The following C3orf33 variants were observed in gnomAD, a reference collection of about 807,000 sequenced individuals.
C3orf33 encodes the protein AP-1 activity suppressor.
C3orf33 carries 23 observed loss-of-function variants against 28.7 expected under a neutral mutation model. The ratio of observed to expected loss-of-function variants is 0.80; its 90% CI spans 0.58 to 1.13. The LOEUF (loss-of-function observed/expected upper bound fraction) is 1.13. Ranked by LOEUF, C3orf33 falls within the 50% of genes most tolerant of loss-of-function variation. C3orf33 has a pLI of 0.00. For synonymous variants in C3orf33, 119 were observed against 120.5 expected (o/e 0.99, Z 0.08); for missense variants, 327 against 353.4 (o/e 0.93, Z 0.60).
At chr3:155,784,904 G>A (rs891956585) in intron 2 of C3orf33, among the ~76,000 whole-genome samples, 1 of 151,692 alleles carries the variant, frequency 6.6e-6, no homozygotes, top group Non-Finnish European at 1.5e-5. Flanking sequence ...ATGGTAATGA[G>A]TTAAAGTCTC....
At chr3:155,779,918 A>G (rs1455830471) in intron 2 of C3orf33, among the ~76,000 whole-genome samples, 6 of 152,204 alleles carry the variant, frequency 3.9e-5, no homozygotes, top group African/African-American at 9.6e-5. Flanking sequence ...AGGAGCTCAC[A>G]GTGTATGTGA....
intron 3 of C3orf33, among the ~76,000 whole-genome samples, chr3:155,771,049 GTGTGTGTTGA>G (rs1413086098): frequency 6.7e-6 from 1 of 148,798 alleles, no homozygotes; most frequent in Non-Finnish European, 1.5e-5. Flanking sequence ...GTGTGTGTGT[GTGTGTGTTGA>G]GACATAGTTT....
intron 1 of C3orf33, chr3:155,805,847 G>A: frequency 5.9e-6 from 3 of 511,028 alleles, no homozygotes; most frequent in Non-Finnish European, 1.1e-5. Flanking sequence ...GGACCAGGTG[G>A]CATCCCCGAG....
chr3:155,763,428 A>G lies in C3orf33; in HGVS notation c.*89T>C. On this transcript the variant is annotated 3_prime_UTR_variant, in exon 5 of 5. Coordinates refer to ENST00000340171, the MANE Select transcript of C3orf33 (RefSeq NM_001308229.2). ...TGGACTAACACTTTGATCATTTGGC[A>G]AAACTTCCATTTTGATTCAATGAAA... The G allele has an allele frequency of 9.8e-7, 1 of 1,023,048 alleles. No individual in the cohort carries two copies. The highest frequency in any genetic ancestry group is 1.3e-6 in the Non-Finnish European group (1 of 763,770). The allele number at this position is 1,023,048 out of a possible 1,614,324, so 63.4% of individuals were successfully genotyped here. A position where few individuals can be genotyped will look rare whatever the true frequency, so the allele number is the denominator to read the frequency against.
At chr3:155,764,923 A>G (rs1171783365) in intron 4 of C3orf33, among the ~76,000 whole-genome samples, 1 of 152,224 alleles carries the variant, frequency 6.6e-6, no homozygotes, top group East Asian at 1.9e-4. Flanking sequence ...TGGGATTTTA[A>G]TCTTAACAAA....
At chr3:155,768,987 C>A (rs1750494096) in intron 3 of C3orf33, among the ~76,000 whole-genome samples, 1 of 152,170 alleles carries the variant, frequency 6.6e-6, no homozygotes, top group Admixed American at 6.6e-5. Context: ...ATCAGTCTGG[C>A]CAACATGGTG....
intron 3 of C3orf33, among the ~76,000 whole-genome samples, chr3:155,775,450 T>C (rs907845069): frequency 5.3e-5 from 8 of 150,730 alleles, no homozygotes; most frequent in South Asian, 2.1e-4. Context: ...AATTGCACCA[T>C]TGCACTCCAG....
intron 4 of C3orf33, 46 bp downstream of exon 4, chr3:155,767,463 A>C: frequency 7.5e-7 from 1 of 1,337,768 alleles, no homozygotes; most frequent in East Asian, 2.6e-5. Flanking sequence ...ACATATAAGT[A>C]ATAAGAAGAA....
At chr3:155,776,616 C>T (rs1750755099) in intron 2 of C3orf33, among the ~76,000 whole-genome samples, 1 of 151,602 alleles carries the variant, frequency 6.6e-6, no homozygotes, top group African/African-American at 2.4e-5. Flanking sequence ...AAGATACCAT[C>T]TCCACAAAAA....
chr3:155,771,034 T>TGTGTGTGTGTGA lies in C3orf33; in HGVS notation c.323-3366_323-3365insTCACACACACAC, dbSNP rs1553770187. Among the ~76,000 whole-genome samples, 126 of 148,202 alleles carry TGTGTGTGTGTGA rather than the reference T, an allele frequency of 8.5e-4. 3 individuals are homozygous for TGTGTGTGTGTGA. The highest frequency in any genetic ancestry group is 3.1e-3 in the African/African-American group (120 of 38,532). On this transcript the variant is annotated intron_variant, in intron 3 of 4. Coordinates refer to ENST00000340171, the MANE Select transcript of C3orf33 (RefSeq NM_001308229.2). ...CTCTGCCACTGTGTGTGTGTGTGTG[T>TGTGTGTGTGTGA]GTGTGTGTGTGTGTGTGTGTGTTGA... is the stretch of plus-strand genomic sequence containing the variant.
At chr3:155,770,273 A>G (rs112255675) in intron 3 of C3orf33, among the ~76,000 whole-genome samples, 3,667 of 152,270 alleles carry the variant, frequency 0.024, 145 homozygotes, top group African/African-American at 0.083. Context: ...AAATGAGCAC[A>G]GGGTCCAGAC....
intron 2 of C3orf33, among the ~76,000 whole-genome samples, chr3:155,785,107 CA>C (rs1282109837): frequency 1.3e-5 from 2 of 149,552 alleles, no homozygotes; most frequent in African/African-American, 2.5e-5. Flanking sequence ...GACTTTAAAT[CA>C]AAAAAAGTTA....
intron 2 of C3orf33, among the ~76,000 whole-genome samples, chr3:155,787,049 GA>G (rs1333439344): frequency 1.3e-5 from 2 of 152,180 alleles, no homozygotes; most frequent in Non-Finnish European, 2.9e-5. Context: ...AAAAATTAAA[GA>G]GAAGAGAATA....
intron 1 of C3orf33, chr3:155,804,259 T>G: frequency 3.8e-6 from 1 of 260,190 alleles, no homozygotes; most frequent in Non-Finnish European, 7.2e-6. Flanking sequence ...TTTGTAATAT[T>G]ATAACTATGT....
chr3:155,788,305 G>C (rs921596084), intron 2 of C3orf33, among the ~76,000 whole-genome samples: 2 of 151,728 alleles, frequency 1.3e-5, no homozygotes, highest in African/African-American at 4.8e-5. Context: ...AAAAACCTTT[G>C]ACAAAATTCA....
At chr3:155,802,895 AC>A (rs1321741555) in intron 1 of C3orf33, among the ~76,000 whole-genome samples, 1 of 151,924 alleles carries the variant, frequency 6.6e-6, no homozygotes, top group Non-Finnish European at 1.5e-5. Flanking sequence ...ATACACACCC[AC>A]CCACCCCAAT....
At chr3:155,791,969 G>T (rs1751328687) in intron 2 of C3orf33, among the ~76,000 whole-genome samples, 1 of 151,834 alleles carries the variant, frequency 6.6e-6, no homozygotes, top group Non-Finnish European at 1.5e-5. Flanking sequence ...GGAGCCCTAG[G>T]ATCTTCAGCA....
intron 2 of C3orf33, among the ~76,000 whole-genome samples, chr3:155,797,523 G>A (rs1297995766): frequency 6.6e-6 from 1 of 152,094 alleles, no homozygotes; most frequent in Non-Finnish European, 1.5e-5. Context: ...AATTTTTCTT[G>A]TTTGCAGATG....
chr3:155,776,084 CT>C (rs1750738153), intron 2 of C3orf33, among the ~76,000 whole-genome samples: 1 of 152,158 alleles, frequency 6.6e-6, no homozygotes, highest in Non-Finnish European at 1.5e-5. Context: ...AAACAGACTC[CT>C]AACTTCTAAA....
Sources: allele counts gnomAD v4.1 joint callset (sites outside exome capture counted in the v4.1 genomes callset), GRCh38; gene constraint gnomAD v4.1.1; transcripts MANE v1.5; gene names NCBI Gene and HGNC (gene_info 2026-07-23, HGNC 2026-07-21).